Variants in QSER1 observed in about 807,000 individuals in gnomAD.
The protein encoded by QSER1 is glutamine and serine rich 1.
Under a neutral mutation model 158.5 loss-of-function variants are expected in QSER1, and 49 were observed. The ratio of observed to expected loss-of-function variants is 0.31; its 90% CI spans 0.25 to 0.39. The LOEUF (loss-of-function observed/expected upper bound fraction) is 0.39, where lower values mean the gene tolerates loss of function less well. Among genes scored for constraint, QSER1 ranks in the 10% least tolerant of loss-of-function variants. The probability of loss-of-function intolerance (pLI) is 1.00; values close to 1 mark genes in which losing one functional copy is unlikely to be tolerated. For synonymous variants in QSER1, 650 were observed against 715.5 expected, an observed-to-expected ratio of 0.91 and a Z score of 1.46; for missense variants, 1,754 against 2,010.3, an observed-to-expected ratio of 0.87 and a Z score of 2.44.
chr11:32,953,589 A>T (rs954629992), intron 4 of QSER1, among the ~76,000 whole-genome samples: 1 of 152,206 alleles, frequency 6.6e-6, no homozygotes, highest in Non-Finnish European at 1.5e-5. Context: ...TCTTTTAAAA[A>T]TAATTTTGCT....
chr11:32,917,841 A>C (rs1399997649), intron 1 of QSER1, among the ~76,000 whole-genome samples: 1 of 151,158 alleles, frequency 6.6e-6, no homozygotes, highest in African/African-American at 2.4e-5. Flanking sequence ...AAAAAAAAAA[A>C]AAACCAGCAT....
chr11:32,920,525 A>G (rs1238502079), intron 1 of QSER1, among the ~76,000 whole-genome samples: 1 of 152,246 alleles, frequency 6.6e-6, no homozygotes, highest in African/African-American at 2.4e-5. Context: ...AATAAATTGG[A>G]CTTCAAAATA....
At chr11:32,922,313 A>G (rs1168751900) in intron 1 of QSER1, among the ~76,000 whole-genome samples, 1 of 152,146 alleles carries the variant, frequency 6.6e-6, no homozygotes, top group East Asian at 1.9e-4. Flanking sequence ...ATATTTGCAA[A>G]ACATAACTGG....
chr11:32,902,521 C>T (rs949403727), intron 1 of QSER1, among the ~76,000 whole-genome samples: 16 of 152,160 alleles, frequency 1.1e-4, no homozygotes, highest in African/African-American at 3.6e-4. Flanking sequence ...ATCATCTCTT[C>T]GCAAAGAACT....
At chr11:32,929,535 C>T (rs151308288) in intron 3 of QSER1, among the ~76,000 whole-genome samples, 2,837 of 152,078 alleles carry the variant, frequency 0.019, 45 homozygotes, top group South Asian at 0.039. Context: ...TACTATCATA[C>T]GGCCATTTAA....
Position 32,934,504 on chromosome 11 carries a change from T to C in QSER1, c.3246T>C (p.Asn1082=). 1 of 1,613,648 alleles carries C rather than the reference T, an allele frequency of 6.2e-7. No homozygotes were observed. The highest frequency in any genetic ancestry group is 1.7e-4 in the Middle Eastern group (1 of 6,058). The change falls in exon 4 of 13, where the codon AAT becomes AAC. Residue 1082 remains asparagine (N), a synonymous_variant. Transcript: ENST00000650167. ...DQQHIETPGQ[N]IPTKVTSAVV... is the part of the protein sequence containing the mutation. ...AGCACATTGAAACACCTGGTCAAAA[T>C]ATACCAACTAAAGTAACTTCAGCAG...
chr11:32,922,585 A>G (rs976388338), intron 1 of QSER1, among the ~76,000 whole-genome samples: 13 of 148,508 alleles, frequency 8.8e-5, no homozygotes, highest in African/African-American at 3.2e-4. Flanking sequence ...CCCAGGTTCA[A>G]TTGGTTTTCA....
intron 1 of QSER1, among the ~76,000 whole-genome samples, chr11:32,919,935 G>A (rs1472541062): frequency 6.6e-6 from 1 of 152,156 alleles, no homozygotes; most frequent in Admixed American, 6.6e-5. Context: ...TGACATAAAT[G>A]TCTTTTCTTT....
intron 8 of QSER1, among the ~76,000 whole-genome samples, chr11:32,965,757 G>C (rs1852730185): frequency 6.6e-6 from 1 of 152,048 alleles, no homozygotes; most frequent in Admixed American, 6.6e-5. Context: ...GACCAGCCTG[G>C]CCAACATGGT....
intron 1 of QSER1, among the ~76,000 whole-genome samples, chr11:32,907,141 C>T (rs566229937): frequency 2.0e-5 from 3 of 152,204 alleles, no homozygotes; most frequent in African/African-American, 7.2e-5. Context: ...GTGGACATTT[C>T]CTTAGGAAAA....
At chr11:32,930,821 G>C (rs1054862761) in intron 3 of QSER1, among the ~76,000 whole-genome samples, 2 of 152,082 alleles carry the variant, frequency 1.3e-5, no homozygotes, top group African/African-American at 4.8e-5. Context: ...CAGATCACAA[G>C]GGTAAACCCA....
At chr11:32,919,877 C>G (rs1043013498) in intron 1 of QSER1, among the ~76,000 whole-genome samples, 1 of 152,168 alleles carries the variant, frequency 6.6e-6, no homozygotes, top group Non-Finnish European at 1.5e-5. Context: ...TCAAAATGTT[C>G]CTGCTTTGGT....
chr11:32,962,891 C>G (rs1053328934), intron 8 of QSER1, among the ~76,000 whole-genome samples: 1 of 152,124 alleles, frequency 6.6e-6, no homozygotes, highest in Non-Finnish European at 1.5e-5. Flanking sequence ...CTGCCAAATA[C>G]CCAAGTCTGG....
chr11:32,931,817 C>T lies in QSER1; in HGVS notation c.559C>T (p.Leu187Phe). The change falls in exon 4 of 13, where the codon CTC (leucine) becomes TTC (phenylalanine). Residue 187 changes from leucine (L) to phenylalanine (F), a missense_variant. Transcript: ENST00000650167. ...AAGCACTGGAACACTTCCACCATCT[C>T]TCTCTGCTTATCAGCATCCCACCAC... ...LPSTGTLPPS[L>F]SAYQHPTTFS... is the part of the protein sequence containing the mutation. 1 of 1,614,170 alleles carries T rather than the reference C, an allele frequency of 6.2e-7. No individual in the cohort carries two copies. Among genetic ancestry groups the T allele is most frequent in the Non-Finnish European group, 8.5e-7 (1 of 1,180,008 alleles).
intron 1 of QSER1, among the ~76,000 whole-genome samples, chr11:32,906,449 A>G (rs914916517): frequency 1.3e-5 from 2 of 152,190 alleles, no homozygotes; most frequent in African/African-American, 2.4e-5. Context: ...TTACTCTGTC[A>G]TCCAGGCTAG....
chr11:32,899,084 T>G (rs754645828), intron 1 of QSER1, among the ~76,000 whole-genome samples: 3 of 152,256 alleles, frequency 2.0e-5, no homozygotes, highest in Non-Finnish European at 4.4e-5. Flanking sequence ...TTTCATATTC[T>G]TAGAAATATA....
At chr11:32,910,731 CT>C (rs1851755594) in intron 1 of QSER1, among the ~76,000 whole-genome samples, 1 of 152,128 alleles carries the variant, frequency 6.6e-6, no homozygotes, top group African/African-American at 2.4e-5. Flanking sequence ...TAAACAAAAA[CT>C]TTAAGATCAA....
chr11:32,933,339 C>T lies in QSER1; in HGVS notation c.2081C>T (p.Pro694Leu). Residue 694 changes from proline to leucine, a missense_variant, in exon 4 of 13, where the codon CCA (proline) becomes CTA (leucine). Transcript: ENST00000650167. The stretch of plus-strand genomic sequence containing the variant: ...TCTTCAAAGCAAGAAGATGGTTTTC[C>T]AATGCAAGAGTTACAGGTGTTGCAG... Reference protein sequence around the residue: ...YPSSKQEDGFPMQELQVLQPQ... With the variant: ...YPSSKQEDGFLMQELQVLQPQ... The T allele has an allele frequency of 6.2e-7, 1 of 1,611,896 alleles. No individual in the cohort carries two copies. The highest frequency in any genetic ancestry group is 1.1e-5 in the South Asian group (1 of 90,540).
Position 32,933,981 on chromosome 11 carries a change from G to A in QSER1, c.2723G>A (p.Gly908Asp). The change falls in exon 4 of 13, where the codon GGT (glycine) becomes GAT (aspartate). Residue 908 changes from glycine (G) to aspartate (D), a missense_variant. Physicochemically the swap from Gly to Asp is moderately conservative, Grantham distance 94. Transcript: ENST00000650167. ...GAAGGTCATGTTATTCAAAGCAATGGTGATCATTCTCAGCAGCAACTCCAT... is the reference window on the plus strand; with the variant it reads ...GAAGGTCATGTTATTCAAAGCAATGATGATCATTCTCAGCAGCAACTCCAT... Reference protein sequence around the residue: ...QMEGHVIQSNGDHSQQQLHPQ... With the variant: ...QMEGHVIQSNDDHSQQQLHPQ... 1.2e-6 allele frequency: 2 copies of A among 1,613,862 alleles called. No individual in the cohort carries two copies. Among genetic ancestry groups the A allele is most frequent in the Non-Finnish European group, 1.7e-6 (2 of 1,179,934 alleles).
Sources: allele counts gnomAD v4.1 joint callset (sites outside exome capture counted in the v4.1 genomes callset), GRCh38; gene constraint gnomAD v4.1.1; transcripts MANE v1.5; gene names NCBI Gene and HGNC (gene_info 2026-07-23, HGNC 2026-07-21).